DMXL2: variants seen among roughly 807,000 people sequenced by gnomAD.
The protein encoded by DMXL2 is Dmx like 2.
Under a neutral mutation model 331.1 loss-of-function variants are expected in DMXL2, and 103 were observed. The ratio of observed to expected loss-of-function variants is 0.31; its 90% CI spans 0.27 to 0.37. The LOEUF (loss-of-function observed/expected upper bound fraction) is 0.37, where lower values mean the gene tolerates loss of function less well. DMXL2 is among the 10% of genes least tolerant of loss of function. The probability of loss-of-function intolerance (pLI) is 1.00; values close to 1 mark genes in which losing one functional copy is unlikely to be tolerated. For synonymous variants in DMXL2, 1,281 were observed against 1,252.1 expected (o/e 1.02, Z -0.49); for missense variants, 3,171 against 3,642.9 (o/e 0.87, Z 3.33).
chr15:51,491,636 G>A lies in DMXL2; in HGVS notation c.4895C>T (p.Ala1632Val), dbSNP rs369886971. 1.9e-6 allele frequency: 3 copies of A among 1,613,396 alleles called. No individual in the cohort carries two copies. Among genetic ancestry groups the A allele is most frequent in the Non-Finnish European group, 2.5e-6 (3 of 1,179,842 alleles). The change falls in exon 20 of 44, where the codon GCT becomes GTT. Residue 1632 changes from alanine (A) to valine (V), a missense_variant. This residue lies in a region of DMXL2 where 252 missense variants were observed against 387.4 expected (regional missense o/e 0.65). Coordinates refer to ENST00000560891, the MANE Select transcript of DMXL2 (RefSeq NM_001378457.1). ...CCTCACCCACCATCCTATGCCCATA[G>A]CTCTTAATTCAGACCACTGGGGGTC... The part of the protein sequence containing the change: ...RGDPQWSELR[A>V]MGIGWWVRNI...
Position 51,456,419 on chromosome 15 carries a change from A to G in DMXL2, c.8338-50T>C, listed in dbSNP as rs184258693. 1.5e-4 allele frequency: 163 copies of G among 1,076,462 alleles called. No homozygotes were observed. In the African/African-American group the frequency reaches 2.5e-3, roughly 16 times the overall value. 66.7% of individuals were successfully genotyped at this position (1,076,462 alleles called of 1,614,324 possible). On this transcript the variant is annotated intron_variant, in intron 37 of 43. Transcript: ENST00000560891. ...TTATTTTGTGTATGCAGAAAAGATG[A>G]GGAAGGATATGCTTCAGGATAAATT...
chr15:51,448,641 C>T lies in DMXL2; in HGVS notation c.*343G>A, dbSNP rs890658429. 2.0e-5 allele frequency: 6 copies of T among 296,658 alleles called. No homozygotes were observed. The highest frequency in any genetic ancestry group is 3.3e-5 in the Non-Finnish European group (5 of 153,710). 18.4% of individuals were successfully genotyped at this position (296,658 alleles called of 1,614,324 possible). A position where few individuals can be genotyped will look rare whatever the true frequency, so the allele number is the denominator to read the frequency against. ...TAAGAACAGGAAGAAAAACCCAAAT[C>T]AGCAACATTTTCTTCCTTAATTTGG... On this transcript the variant is annotated 3_prime_UTR_variant, in exon 44 of 44. Transcript: ENST00000560891.
At chr15:51,466,941 GTAGTC>G (rs1452800413) in intron 29 of DMXL2, among the ~76,000 whole-genome samples, 1 of 151,858 alleles carries the variant, frequency 6.6e-6, no homozygotes, top group Non-Finnish European at 1.5e-5. Context: ...TAAGAAAAAT[GTAGTC>G]TAGATTGATG....
At chr15:51,477,284 C>G (rs377507983) in intron 26 of DMXL2, among the ~76,000 whole-genome samples, 3 of 151,864 alleles carry the variant, frequency 2.0e-5, no homozygotes, top group African/African-American at 7.3e-5. Context: ...AATATAAAAG[C>G]GGAAAGTCAA....
intron 13 of DMXL2, among the ~76,000 whole-genome samples, chr15:51,522,523 AGTCCCAGCTACTCAGGAG>A (rs1567064401): frequency 6.6e-6 from 1 of 152,214 alleles, no homozygotes; most frequent in Non-Finnish European, 1.5e-5. Flanking sequence ...AGACGCCTGT[AGTCCCAGCTACTCAGGAG>A]GCTGAGGCAC....
intron 8 of DMXL2, among the ~76,000 whole-genome samples, chr15:51,542,881 G>A (rs949921018): frequency 6.6e-6 from 1 of 150,704 alleles, no homozygotes; most frequent in African/African-American, 2.4e-5. Context: ...GAAGAATATT[G>A]CCTCCCCAAT....
chr15:51,501,747 C>T (rs1269635397), intron 17 of DMXL2, among the ~76,000 whole-genome samples: 4 of 151,008 alleles, frequency 2.6e-5, no homozygotes, highest in Admixed American at 6.6e-5. Context: ...AGTGAAACCC[C>T]GTCTCTACTA....
intron 2 of DMXL2, among the ~76,000 whole-genome samples, chr15:51,572,848 T>C (rs1406966993): frequency 2.0e-5 from 3 of 152,152 alleles, no homozygotes; most frequent in African/African-American, 7.2e-5. Flanking sequence ...GGGCAAAAAC[T>C]GGAAGCATTC....
chr15:51,508,994 C>G (rs2046584493), intron 15 of DMXL2, among the ~76,000 whole-genome samples: 1 of 152,130 alleles, frequency 6.6e-6, no homozygotes, highest in South Asian at 2.1e-4. Context: ...CCAACTGAAT[C>G]TTCCGAATCT....
intron 19 of DMXL2, among the ~76,000 whole-genome samples, chr15:51,492,658 G>A (rs1186207450): frequency 6.6e-6 from 1 of 152,134 alleles, no homozygotes; most frequent in Non-Finnish European, 1.5e-5. Context: ...AGGTAAAAAC[G>A]AAACATAATG....
In DMXL2 at chr15:51,481,252, A is replaced by T. The variant is rs2041987366; in HGVS notation, c.5854T>A (p.Trp1952Arg). The T allele has an allele frequency of 2.5e-6, 4 of 1,613,740 alleles. No individual in the cohort carries two copies. The highest frequency in any genetic ancestry group is 1.3e-5 in the African/African-American group (1 of 74,934). The change falls in exon 24 of 44, where the codon TGG (tryptophan) becomes AGG (arginine). Residue 1952 changes from tryptophan (W) to arginine (R), a missense_variant. This residue lies in a region of DMXL2 where 244 missense variants were observed against 251.4 expected (regional missense o/e 0.97). Transcript: ENST00000560891. ...SDGNGSSGIE[W>R]SNVTSSQYDW... Reference sequence around the variant, plus strand: ...TACTGTGATGAAGTTACATTTGACCATTCAATGCCAGAACTTCCATTGCCA... The same window carrying T: ...TACTGTGATGAAGTTACATTTGACCTTTCAATGCCAGAACTTCCATTGCCA...
intron 8 of DMXL2, among the ~76,000 whole-genome samples, chr15:51,543,276 T>G (rs2048705553): frequency 1.3e-5 from 2 of 152,156 alleles, no homozygotes; most frequent in African/African-American, 2.4e-5. Context: ...TAATAATTTT[T>G]TATTACTTTC....
rs890029534 is a variant in DMXL2 at position 51,520,685 on chromosome 15, T to C, written c.2437-3518A>G. Among the ~76,000 whole-genome samples the C allele has an allele frequency of 1.4e-4, 22 of 152,150 alleles. No individual in the cohort carries two copies. In the South Asian group the frequency reaches 3.9e-3, roughly 27 times the overall value. The stretch of plus-strand genomic sequence containing the variant: ...CAGCCTGGCCAACATGGTGAAACCC[T>C]GTATCTACTAAAAATACAAAAATTA... On this transcript the variant is annotated intron_variant, in intron 13 of 43. Coordinates refer to ENST00000560891, the MANE Select transcript of DMXL2 (RefSeq NM_001378457.1).
At chr15:51,477,822 A>G (rs976068187) in intron 26 of DMXL2, among the ~76,000 whole-genome samples, 6 of 152,064 alleles carry the variant, frequency 3.9e-5, no homozygotes, top group African/African-American at 1.2e-4. Flanking sequence ...CTTTTACATC[A>G]TATGTAAATG....
Position 51,481,634 on chromosome 15 carries a change from C to A in DMXL2, c.5483-11G>T, listed in dbSNP as rs774755783. 4.6e-6 allele frequency: 7 copies of A among 1,520,004 alleles called. No individual in the cohort carries two copies. Among genetic ancestry groups the A allele is most frequent in the South Asian group, 1.3e-5 (1 of 74,458 alleles). The allele number at this position is 1,520,004 out of a possible 1,614,324, so 94.2% of individuals were successfully genotyped here. A position where few individuals can be genotyped will look rare whatever the true frequency, so the allele number is the denominator to read the frequency against. The stretch of plus-strand genomic sequence containing the variant: ...AAGACTTGATGATAACTATAGAAAT[C>A]AAACAGATAAAATCACAAAGCATTG... On this transcript the variant is annotated splice_polypyrimidine_tract_variant and intron_variant, in intron 23 of 43. Coordinates refer to ENST00000560891, the MANE Select transcript of DMXL2 (RefSeq NM_001378457.1).
chr15:51,582,494 T>C (rs1236224614), intron 1 of DMXL2, among the ~76,000 whole-genome samples: 1 of 152,124 alleles, frequency 6.6e-6, no homozygotes, highest in Non-Finnish European at 1.5e-5. Context: ...TACCAAGAGA[T>C]CTTATAGAAA....
intron 6 of DMXL2, among the ~76,000 whole-genome samples, chr15:51,548,088 TAAC>T (rs1243261262): frequency 6.6e-6 from 1 of 152,138 alleles, no homozygotes; most frequent in African/African-American, 2.4e-5. Context: ...TTTACAAGTA[TAAC>T]AATAGGCACT....
intron 1 of DMXL2, among the ~76,000 whole-genome samples, chr15:51,622,015 G>T (rs2054666790): frequency 6.6e-6 from 1 of 150,428 alleles, no homozygotes; most frequent in Non-Finnish European, 1.5e-5. Flanking sequence ...GCGCAGCATC[G>T]CCTCCACGCT....
chr15:51,532,093 TCAAAACAACCAAGATTTGGAGG>T (rs907652507), intron 13 of DMXL2, among the ~76,000 whole-genome samples: 1 of 151,724 alleles, frequency 6.6e-6, no homozygotes, highest in Non-Finnish European at 1.5e-5. Flanking sequence ...GCAGCTCTGT[TCAAAACAACCAAGATTTGGAGG>T]CAACCTAAGT....
Sources: gnomAD v4.1 joint callset for allele counts (sites outside exome capture counted in the v4.1 genomes callset) on GRCh38, gnomAD v4.1.1 for gene constraint, gnomAD v4.1.1 regional missense constraint, MANE v1.5 for transcripts, NCBI Gene and HGNC (gene_info 2026-07-23, HGNC 2026-07-21) for gene names.